The following UNC13C variants were observed in gnomAD, a reference collection of about 807,000 sequenced individuals.
UNC13C encodes the protein protein unc-13 homolog C.
Under a neutral mutation model 245.4 loss-of-function variants are expected in UNC13C, and 174 were observed. That is an observed-to-expected ratio of 0.71 (90% CI 0.63 to 0.80). The LOEUF (loss-of-function observed/expected upper bound fraction) is 0.80, where lower values mean the gene tolerates loss of function less well. UNC13C is among the 30% of genes least tolerant of loss of function. The pLI, the probability that UNC13C is intolerant of heterozygous loss-of-function variation, is 0.00. For synonymous variants in UNC13C, 992 were observed against 895.1 expected (o/e 1.11, Z -1.93); for missense variants, 2,829 against 2,602.9 (o/e 1.09, Z -1.89).
intron 10 of UNC13C, among the ~76,000 whole-genome samples, chr15:54,266,258 G>T (rs1410158034): frequency 6.6e-6 from 1 of 151,932 alleles, no homozygotes; most frequent in Non-Finnish European, 1.5e-5. Context: ...AGAGTTTCTT[G>T]CATATATGGC....
chr15:54,238,366 C>T (rs2035763280), intron 7 of UNC13C, among the ~76,000 whole-genome samples: 1 of 152,140 alleles, frequency 6.6e-6, no homozygotes, highest in South Asian at 2.1e-4. Flanking sequence ...AGCCACCACA[C>T]CCGGCCCTTT....
chr15:54,077,953 T>A (rs1323636989), intron 2 of UNC13C, among the ~76,000 whole-genome samples: 2 of 152,120 alleles, frequency 1.3e-5, no homozygotes, highest in Non-Finnish European at 2.9e-5. Context: ...AATACGTAGT[T>A]TTTCAATCTC....
At chr15:53,917,683 G>A in the UNC13C span, among the ~76,000 whole-genome samples, 143,790 of 152,242 alleles carry the variant, frequency 0.94, 68,464 homozygotes, top group Middle Eastern at 1. Context: ...CTCACCACAC[G>A]CAGACATTTT....
At chr15:54,182,253 A>T (rs1412880242) in intron 4 of UNC13C, among the ~76,000 whole-genome samples, 1 of 151,836 alleles carries the variant, frequency 6.6e-6, no homozygotes, top group African/African-American at 2.4e-5. Context: ...GGGATGTTGG[A>T]TTTTATTGAG....
chr15:54,620,448 T>C (rs911520092), intron 30 of UNC13C, among the ~76,000 whole-genome samples: 2 of 152,194 alleles, frequency 1.3e-5, no homozygotes, highest in African/African-American at 4.8e-5. Flanking sequence ...ACTCACATAT[T>C]GCCCTACTTA....
At chr15:54,274,003 G>C (rs531452566) in intron 10 of UNC13C, among the ~76,000 whole-genome samples, 3 of 152,132 alleles carry the variant, frequency 2.0e-5, no homozygotes, top group African/African-American at 4.8e-5. Flanking sequence ...ATGTATTTAA[G>C]TGTGAGGTAC....
At chr15:53,891,260 G>T in the UNC13C span, among the ~76,000 whole-genome samples, 1 of 152,156 alleles carries the variant, frequency 6.6e-6, no homozygotes, top group Non-Finnish European at 1.5e-5. Context: ...TTTTGCATTT[G>T]CTGAGAAGTG....
rs1219208957 is a variant in UNC13C, at chr15:54,014,034, A to G, written c.1131A>G (p.Ile377Met). The G allele has an allele frequency of 1.9e-6, 3 of 1,613,850 alleles. No individual in the cohort carries two copies. Among genetic ancestry groups the G allele is most frequent in the Non-Finnish European group, 2.5e-6 (3 of 1,179,848 alleles). The change falls in exon 2 of 33, where the codon ATA (isoleucine) becomes ATG (methionine). Residue 377 changes from isoleucine (I) to methionine (M), a missense_variant. Transcript: ENST00000260323. ...RDCPNAKPRP[I>M]LVYFETPQQR... is the part of the protein sequence containing the mutation. ...GCCCAAATGCAAAGCCTCGACCCAT[A>G]CTTGTGTACTTTGAAACCCCTCAAC...
chr15:54,005,646 A>G (rs1251504601), intron 1 of UNC13C, among the ~76,000 whole-genome samples: 8 of 152,258 alleles, frequency 5.3e-5, no homozygotes, highest in African/African-American at 7.2e-5. Flanking sequence ...CAGACTATAT[A>G]GACTGTAAGG....
chr15:54,224,605 CT>C (rs1567113201), intron 4 of UNC13C, among the ~76,000 whole-genome samples: 1 of 151,970 alleles, frequency 6.6e-6, no homozygotes, highest in Non-Finnish European at 1.5e-5. Context: ...TTCTTACTTT[CT>C]TTTTTTGTTC....
At chr15:54,613,076 A>G (rs1900209053) in intron 30 of UNC13C, among the ~76,000 whole-genome samples, 1 of 151,912 alleles carries the variant, frequency 6.6e-6, no homozygotes, top group Non-Finnish European at 1.5e-5. Flanking sequence ...TTAGAAGCAG[A>G]CAACATAATT....
Position 54,014,058 on chromosome 15 carries a change from A to G in UNC13C, c.1155A>G (p.Gln385=), listed in dbSNP as rs200302799. ...RPILVYFETP[Q]QRDSVLKKSY... ...TACTTGTGTACTTTGAAACCCCTCAACAAAGGGATTCTGTCTTAAAAAAGT... is the reference window on the plus strand; with the variant it reads ...TACTTGTGTACTTTGAAACCCCTCAGCAAAGGGATTCTGTCTTAAAAAAGT... Residue 385 remains glutamine (Q), a synonymous_variant, in exon 2 of 33, where the codon CAA becomes CAG. Coordinates refer to ENST00000260323, the MANE Select transcript of UNC13C (RefSeq NM_001080534.3). 261 of 1,613,844 alleles carry G rather than the reference A, an allele frequency of 1.6e-4. No individual in the cohort carries two copies. In the African/African-American group the frequency reaches 2.9e-3, roughly 18 times the overall value.
At chr15:54,389,190 G>A (rs545073166) in intron 17 of UNC13C, among the ~76,000 whole-genome samples, 56 of 152,184 alleles carry the variant, frequency 3.7e-4, no homozygotes, top group Non-Finnish European at 6.6e-4. Context: ...AGTCTGGCAC[G>A]ATGAGATGGG....
chr15:54,078,226 C>T (rs141819765), intron 2 of UNC13C, among the ~76,000 whole-genome samples: 12 of 152,248 alleles, frequency 7.9e-5, no homozygotes, highest in African/African-American at 2.9e-4. Context: ...ATTTTCTTAT[C>T]CATTCATCCA....
intron 2 of UNC13C, among the ~76,000 whole-genome samples, chr15:54,121,617 G>C (rs1374542961): frequency 2.0e-5 from 3 of 151,912 alleles, no homozygotes; most frequent in Admixed American, 6.6e-5. Flanking sequence ...ATTTAATAGG[G>C]CAATGATGCT....
chr15:54,540,148 G>A (rs1249465703), intron 26 of UNC13C, among the ~76,000 whole-genome samples: 3 of 151,954 alleles, frequency 2.0e-5, no homozygotes, highest in Admixed American at 6.6e-5. Flanking sequence ...AGTTTAGGAG[G>A]AGAAATAAGA....
intron 13 of UNC13C, among the ~76,000 whole-genome samples, chr15:54,318,869 A>T (rs2038077940): frequency 6.6e-6 from 1 of 151,964 alleles, no homozygotes; most frequent in Admixed American, 6.6e-5. Flanking sequence ...ACTTATAAAA[A>T]TCATCCTGTG....
At chr15:54,200,051 C>T (rs1442509757) in intron 4 of UNC13C, among the ~76,000 whole-genome samples, 1 of 149,578 alleles carries the variant, frequency 6.7e-6, no homozygotes, top group Non-Finnish European at 1.5e-5. Context: ...TCAGACAAAA[C>T]AAACTTTAAA....
chr15:53,844,650 A>G, the UNC13C span, among the ~76,000 whole-genome samples: 1 of 152,132 alleles, frequency 6.6e-6, no homozygotes. Flanking sequence ...GGGTTGCAGA[A>G]GATGCATCTC....
Sources: allele counts gnomAD v4.1 joint callset (sites outside exome capture counted in the v4.1 genomes callset), GRCh38; gene constraint gnomAD v4.1.1; transcripts MANE v1.5; gene names NCBI Gene and HGNC (gene_info 2026-07-23, HGNC 2026-07-21).